Variants in LRRC72 observed in about 807,000 individuals in gnomAD.
The protein encoded by LRRC72 is leucine-rich repeat-containing protein 72.
A neutral mutation model predicts 35.8 loss-of-function variants in LRRC72; 41 were observed. That is an observed-to-expected ratio of 1.15 (90% CI 0.89 to 1.49). The LOEUF (loss-of-function observed/expected upper bound fraction) is 1.49. LRRC72 is among the 40% of genes most tolerant of loss of function. The pLI is 0.00. For synonymous variants in LRRC72, 118 were observed against 119.2 expected (o/e 0.99, Z 0.07); for missense variants, 389 against 330.7 (o/e 1.18, Z -1.37).
chr7:16,527,939 C>G (rs1376862655), intron 1 of LRRC72, among the ~76,000 whole-genome samples: 2 of 152,078 alleles, frequency 1.3e-5, no homozygotes, highest in African/African-American at 4.8e-5. Context: ...GTGGAAGAAG[C>G]AGCTGCTGTT....
chr7:16,550,410 A>T (rs912698850), intron 3 of LRRC72, among the ~76,000 whole-genome samples: 1 of 152,162 alleles, frequency 6.6e-6, no homozygotes, highest in African/African-American at 2.4e-5. Flanking sequence ...GACAAGTGTA[A>T]AGTACTAATC....
intron 5 of LRRC72, among the ~76,000 whole-genome samples, chr7:16,559,693 G>A (rs1782711471): frequency 6.6e-6 from 1 of 151,692 alleles, no homozygotes; most frequent in Non-Finnish European, 1.5e-5. Context: ...TGTTGCCAAC[G>A]GCCAAGGAAC....
In LRRC72 at chr7:16,551,462, T is replaced by A. The variant is rs371990325; in HGVS notation, c.235-5898T>A. On this transcript the variant is annotated intron_variant, in intron 3 of 8. Coordinates refer to ENST00000401542, the MANE Select transcript of LRRC72 (RefSeq NM_001195280.2). ...GCAGCTTCAGGATGGGGGCTGGCCA[T>A]CAAAAACACTAAGGCAAAATTAGAA... is the stretch of plus-strand genomic sequence containing the variant. Among the ~76,000 whole-genome samples, 98 of 152,192 alleles carry A rather than the reference T, an allele frequency of 6.4e-4. 2 individuals are homozygous for A. In the East Asian group the frequency reaches 0.018, roughly 28 times the overall value.
intron 4 of LRRC72, among the ~76,000 whole-genome samples, chr7:16,558,022 C>T (rs1032987745): frequency 3.3e-5 from 5 of 152,090 alleles, no homozygotes; most frequent in East Asian, 1.9e-4. Flanking sequence ...ATCTTGCCAA[C>T]GAGGCTACGA....
intron 5 of LRRC72, among the ~76,000 whole-genome samples, chr7:16,562,229 T>C (rs1027997160): frequency 6.6e-6 from 1 of 152,164 alleles, no homozygotes; most frequent in Non-Finnish European, 1.5e-5. Context: ...ACACCCTCTC[T>C]TTCTAGCTCA....
At chr7:16,579,059 G>C (rs1317552592) in intron 7 of LRRC72, among the ~76,000 whole-genome samples, 1 of 152,124 alleles carries the variant, frequency 6.6e-6, no homozygotes, top group Admixed American at 6.6e-5. Flanking sequence ...TGTGACTATA[G>C]TTAGCCGTAT....
At chr7:16,551,789 A>G (rs1324065717) in intron 3 of LRRC72, among the ~76,000 whole-genome samples, 1 of 152,050 alleles carries the variant, frequency 6.6e-6, no homozygotes, top group Non-Finnish European at 1.5e-5. Flanking sequence ...AAAGTAGATG[A>G]AAGTGTTTCA....
At chr7:16,556,854 C>T (rs911838013) in intron 3 of LRRC72, among the ~76,000 whole-genome samples, 4 of 152,088 alleles carry the variant, frequency 2.6e-5, no homozygotes, top group Admixed American at 6.6e-5. Flanking sequence ...CCTTGCTGGC[C>T]GACAGCTAAT....
intron 3 of LRRC72, among the ~76,000 whole-genome samples, chr7:16,546,548 C>T (rs1782446370): frequency 6.6e-6 from 1 of 152,146 alleles, no homozygotes; most frequent in South Asian, 2.1e-4. Context: ...TCTGTGGAAA[C>T]CTAAGTGAAA....
chr7:16,543,932 T>C (rs1409034970), intron 3 of LRRC72, among the ~76,000 whole-genome samples: 1 of 152,246 alleles, frequency 6.6e-6, no homozygotes, highest in Non-Finnish European at 1.5e-5. Flanking sequence ...TAATGATGTT[T>C]CTTTATTTGC....
chr7:16,550,919 C>T lies in LRRC72; in HGVS notation c.235-6441C>T, dbSNP rs190158358. The stretch of plus-strand genomic sequence containing the variant: ...CAGCTTTATGTTTTCCTTGATTATA[C>T]TTCCTTCAATTCCCCGGAGTTTATA... On this transcript the variant is annotated intron_variant, in intron 3 of 8. Coordinates refer to ENST00000401542, the MANE Select transcript of LRRC72 (RefSeq NM_001195280.2). Among the ~76,000 whole-genome samples the T allele has an allele frequency of 3.9e-5, 6 of 152,126 alleles. No individual in the cohort carries two copies. In the East Asian group the frequency reaches 1.2e-3, roughly 29 times the overall value.
At chr7:16,532,354 G>A (rs1782181661) in intron 1 of LRRC72, 141 bp from the exon 2 acceptor site, 1 of 609,370 alleles carries the variant, frequency 1.6e-6, no homozygotes, top group Non-Finnish European at 2.9e-6. Context: ...TTGTAGCCTT[G>A]GAATTTATCA....
At chr7:16,548,786 AG>A (rs1162082017) in intron 3 of LRRC72, among the ~76,000 whole-genome samples, 5 of 152,374 alleles carry the variant, frequency 3.3e-5, no homozygotes, top group Admixed American at 1.3e-4. Context: ...ACTCAGGCAA[AG>A]GTGCCACTGG....
intron 3 of LRRC72, among the ~76,000 whole-genome samples, chr7:16,554,622 G>A (rs1196243782): frequency 6.6e-6 from 1 of 151,890 alleles, no homozygotes. Flanking sequence ...AAATCTAATT[G>A]GGCAATAACA....
chr7:16,580,939 T>A (rs962266767), intron 8 of LRRC72, among the ~76,000 whole-genome samples: 1 of 152,154 alleles, frequency 6.6e-6, no homozygotes, highest in Admixed American at 6.5e-5. Context: ...TGTACATTTA[T>A]AAAATATGGC....
chr7:16,548,448 A>C (rs902184361), intron 3 of LRRC72, among the ~76,000 whole-genome samples: 2 of 152,234 alleles, frequency 1.3e-5, no homozygotes, highest in Non-Finnish European at 1.5e-5. Context: ...GAGCTCCCCA[A>C]GCCAGGGCTG....
In LRRC72 at chr7:16,563,971, T is replaced by C. The variant is rs560073555; in HGVS notation, c.428-2342T>C. 2.0e-5 allele frequency among the ~76,000 whole-genome samples: 3 copies of C among 152,332 alleles called. No homozygotes were observed. In the East Asian group the frequency reaches 5.8e-4, roughly 29 times the overall value. ...TAGTAAATCCAAGTTTGGTGTTTTATTCAGCTGAAGCTAGTTTTTAAATTT... is the reference window on the plus strand; with the variant it reads ...TAGTAAATCCAAGTTTGGTGTTTTACTCAGCTGAAGCTAGTTTTTAAATTT... On this transcript the variant is annotated intron_variant, in intron 5 of 8. Coordinates refer to ENST00000401542, the MANE Select transcript of LRRC72 (RefSeq NM_001195280.2).
At chr7:16,528,105 T>C (rs1304304326) in intron 1 of LRRC72, among the ~76,000 whole-genome samples, 2 of 152,216 alleles carry the variant, frequency 1.3e-5, no homozygotes, top group Non-Finnish European at 2.9e-5. Context: ...AGTGACATCC[T>C]CCACCAGCCA....
intron 3 of LRRC72, 71 bp from the exon 4 acceptor site, chr7:16,557,289 A>C: frequency 2.6e-6 from 1 of 387,802 alleles, no homozygotes; most frequent in Non-Finnish European, 4.5e-6. Context: ...TATGTATATC[A>C]GGTTATTTAT....
Sources: gnomAD v4.1 joint callset for allele counts (sites outside exome capture counted in the v4.1 genomes callset) on GRCh38, gnomAD v4.1.1 for gene constraint, MANE v1.5 for transcripts, NCBI Gene and HGNC (gene_info 2026-07-23, HGNC 2026-07-21) for gene names.